Variants in ATP6V1H observed in about 807,000 individuals in gnomAD.
ATP6V1H encodes V-type proton ATPase subunit H.
A neutral mutation model predicts 71.7 loss-of-function variants in ATP6V1H; 39 were observed. The ratio of observed to expected loss-of-function variants is 0.54; its 90% confidence interval spans 0.42 to 0.71. ATP6V1H has a LOEUF of 0.71. Ranked by LOEUF, ATP6V1H falls within the 30% of genes least tolerant of loss-of-function variation. The pLI is 0.00. For synonymous variants in ATP6V1H, 192 were observed against 199.3 expected (o/e 0.96, Z 0.31); for missense variants, 509 against 594.9 (o/e 0.86, Z 1.50).
chr8:53,835,030 C>G (rs998872053), intron 2 of ATP6V1H, among the ~76,000 whole-genome samples: 1 of 152,032 alleles, frequency 6.6e-6, no homozygotes, highest in East Asian at 1.9e-4. Flanking sequence ...CTCCTGTAGT[C>G]CCAGCTACTC....
chr8:53,763,113 T>G (rs1281981703), intron 11 of ATP6V1H, among the ~76,000 whole-genome samples: 1 of 152,186 alleles, frequency 6.6e-6, no homozygotes, highest in Non-Finnish European at 1.5e-5. Flanking sequence ...CAGGAAGTTA[T>G]TAGTAGTTAA....
intron 7 of ATP6V1H, among the ~76,000 whole-genome samples, chr8:53,803,056 G>A (rs548365790): frequency 1.3e-5 from 2 of 152,196 alleles, no homozygotes; most frequent in African/African-American, 4.8e-5. Flanking sequence ...GAGAAAGGAG[G>A]CTGGGTGCGG....
At chr8:53,756,503 C>G (rs1808068470) in intron 12 of ATP6V1H, 52 bp downstream of exon 12, 1 of 1,401,936 alleles carries the variant, frequency 7.1e-7, no homozygotes, top group Non-Finnish European at 1.0e-6. Context: ...TTATTTAGGA[C>G]TCTACACTGA....
chr8:53,823,516 T>C (rs1239080454), intron 4 of ATP6V1H, among the ~76,000 whole-genome samples: 1 of 152,236 alleles, frequency 6.6e-6, no homozygotes, highest in Non-Finnish European at 1.5e-5. Flanking sequence ...TCACTCTTTC[T>C]GCCCAGGCTG....
rs190551285 is a variant in ATP6V1H, at chr8:53,761,593, C to A, written c.1176-4937G>T. On this transcript the variant is annotated intron_variant, in intron 11 of 13. Transcript: ENST00000359530. ...TTCTAAACACTAGATTTAAAAAAAA[C>A]CTCCAAGCTCTTTCTGTTGTTAAAA... Among the ~76,000 whole-genome samples the A allele has an allele frequency of 2.2e-3, 336 of 152,264 alleles. 2 individuals carry two copies. The highest frequency in any genetic ancestry group is 7.8e-3 in the African/African-American group (325 of 41,550).
intron 7 of ATP6V1H, among the ~76,000 whole-genome samples, chr8:53,803,353 C>CAGA (rs530030781): frequency 1.7e-3 from 260 of 151,568 alleles, no homozygotes; most frequent in African/African-American, 5.8e-3. Context: ...AAAATAAAAA[C>CAGA]AGAAGAAGAA....
intron 5 of ATP6V1H, 60 bp downstream of exon 5, chr8:53,817,357 G>A: frequency 8.6e-7 from 1 of 1,169,246 alleles, no homozygotes; most frequent in Non-Finnish European, 1.2e-6. Flanking sequence ...GGACAACATA[G>A]TGAGACCCTC....
At chr8:53,825,570 A>T (rs1455358645) in intron 4 of ATP6V1H, among the ~76,000 whole-genome samples, 2 of 152,212 alleles carry the variant, frequency 1.3e-5, no homozygotes, top group Non-Finnish European at 2.9e-5. Flanking sequence ...CAGGCATTCC[A>T]GAAGCAAAGT....
At chr8:53,732,419 A>G (rs1807055752) in intron 13 of ATP6V1H, among the ~76,000 whole-genome samples, 1 of 152,218 alleles carries the variant, frequency 6.6e-6, no homozygotes, top group Non-Finnish European at 1.5e-5. Context: ...AGGGGATTAC[A>G]GAGTTAAGCT....
chr8:53,838,524 C>A (rs889392557), intron 2 of ATP6V1H, among the ~76,000 whole-genome samples: 3 of 152,112 alleles, frequency 2.0e-5, no homozygotes, highest in African/African-American at 7.2e-5. Context: ...AATATATATA[C>A]ACTTTATATA....
At chr8:53,733,949 G>A (rs1330767613) in intron 13 of ATP6V1H, among the ~76,000 whole-genome samples, 1 of 152,146 alleles carries the variant, frequency 6.6e-6, no homozygotes, top group African/African-American at 2.4e-5. Flanking sequence ...GGCCGAGGCT[G>A]GTGGCCTACC....
At chr8:53,780,537 TTTTTAA>T (rs1809073236) in intron 9 of ATP6V1H, among the ~76,000 whole-genome samples, 1 of 152,146 alleles carries the variant, frequency 6.6e-6, no homozygotes, top group Non-Finnish European at 1.5e-5. Flanking sequence ...TTTTTTCTTT[TTTTTAA>T]TTTTATTATT....
chr8:53,815,451 T>C (rs1810415857), intron 5 of ATP6V1H, among the ~76,000 whole-genome samples: 1 of 152,218 alleles, frequency 6.6e-6, no homozygotes, highest in Non-Finnish European at 1.5e-5. Flanking sequence ...CAGTAGAGAA[T>C]GAAAGGCTAC....
intron 6 of ATP6V1H, 25 bp from the exon 7 acceptor site, chr8:53,811,242 A>G: frequency 6.2e-7 from 1 of 1,607,832 alleles, no homozygotes. Flanking sequence ...ATAACTCATT[A>G]TTTAGTTTTG....
At chr8:53,726,618 T>C (rs934011370) in intron 13 of ATP6V1H, among the ~76,000 whole-genome samples, 2 of 152,224 alleles carry the variant, frequency 1.3e-5, no homozygotes, top group Non-Finnish European at 2.9e-5. Flanking sequence ...AAGTTAGTTC[T>C]GTATATTTGA....
intron 12 of ATP6V1H, among the ~76,000 whole-genome samples, chr8:53,756,069 C>CTT (rs199967847): frequency 2.6e-4 from 25 of 96,542 alleles, no homozygotes; most frequent in African/African-American, 3.5e-4. Flanking sequence ...TTTTTCTTTT[C>CTT]TTTTTTTTTT....
At chr8:53,738,936 T>C (rs1296098494) in intron 13 of ATP6V1H, among the ~76,000 whole-genome samples, 1 of 152,218 alleles carries the variant, frequency 6.6e-6, no homozygotes, top group Admixed American at 6.5e-5. Flanking sequence ...TGGGTTTTCA[T>C]ATTTTTAAAA....
intron 13 of ATP6V1H, among the ~76,000 whole-genome samples, chr8:53,732,900 C>T (rs138020316): frequency 1.3e-5 from 2 of 152,090 alleles, no homozygotes; most frequent in East Asian, 3.9e-4. Flanking sequence ...GGATCAGAGC[C>T]GCGAGAGGCC....
intron 12 of ATP6V1H, among the ~76,000 whole-genome samples, chr8:53,755,705 T>C (rs1808000076): frequency 2.8e-4 from 1 of 3,630 alleles, no homozygotes; most frequent in Non-Finnish European, 7.3e-4. Flanking sequence ...TATATATATA[T>C]ATATATATAT....
Sources: allele counts gnomAD v4.1 joint callset (sites outside exome capture counted in the v4.1 genomes callset), GRCh38; gene constraint gnomAD v4.1.1; transcripts MANE v1.5; gene names NCBI Gene and HGNC (gene_info 2026-07-23, HGNC 2026-07-21).